The following EIF3E variants were observed in gnomAD, a reference collection of about 807,000 sequenced individuals.
The protein encoded by EIF3E is eIF-3 p48.
A neutral mutation model predicts 59.3 loss-of-function variants in EIF3E; 25 were observed. The observed-to-expected ratio is 0.42, with a 90% confidence interval of 0.31 to 0.59. EIF3E has a LOEUF of 0.59. Among genes scored for constraint, EIF3E ranks in the 20% least tolerant of loss-of-function variants. The pLI, the probability that EIF3E is intolerant of heterozygous loss-of-function variation, is 0.15. For synonymous variants in EIF3E, 176 were observed against 170.2 expected (o/e 1.03, Z -0.26); for missense variants, 317 against 534.3 (o/e 0.59, Z 4.01).
intron 1 of EIF3E, among the ~76,000 whole-genome samples, chr8:108,244,597 T>G (rs896552325): frequency 4.6e-5 from 7 of 152,072 alleles, no homozygotes; most frequent in Non-Finnish European, 8.8e-5. Flanking sequence ...TTAAAACTGA[T>G]AACCCCTTCC....
In EIF3E at chr8:108,234,948, T is replaced by C. The variant is rs746423075; in HGVS notation, c.471+50A>G. The C allele has an allele frequency of 3.0e-5, 34 of 1,118,998 alleles. No homozygotes were observed. In the African/African-American group the frequency reaches 7.2e-4, roughly 24 times the overall value. 69.3% of individuals were successfully genotyped at this position (1,118,998 alleles called of 1,614,324 possible). On this transcript the variant is annotated intron_variant, in intron 5 of 12. Coordinates refer to ENST00000220849, the MANE Select transcript of EIF3E (RefSeq NM_001568.3). ...TACATGTTTTGAAGAACCAAGGGAA[T>C]CCTACAAAAGACAAAAAAAAAAAAA...
chr8:108,205,414 T>A (rs1815081477), intron 10 of EIF3E, among the ~76,000 whole-genome samples: 2 of 152,200 alleles, frequency 1.3e-5, no homozygotes, highest in Admixed American at 1.3e-4. Context: ...CTTAGTTTTC[T>A]AACTACTTTA....
intron 10 of EIF3E, among the ~76,000 whole-genome samples, chr8:108,205,259 G>T (rs1202493641): frequency 2.0e-5 from 3 of 152,078 alleles, no homozygotes; most frequent in Non-Finnish European, 4.4e-5. Flanking sequence ...TGTAACCAAA[G>T]TGCACGCACC....
At chr8:108,242,573 A>G in intron 1 of EIF3E, 1 of 1,167,536 alleles carries the variant, frequency 8.6e-7, no homozygotes, top group Non-Finnish European at 1.1e-6. Flanking sequence ...TTTTGCAAGG[A>G]AAGAAAAATC....
chr8:108,223,229 C>G (rs554489241), intron 7 of EIF3E, among the ~76,000 whole-genome samples: 1 of 152,180 alleles, frequency 6.6e-6, no homozygotes, highest in South Asian at 2.1e-4. Context: ...TAAATCTGAG[C>G]TGGACCTTAA....
At chr8:108,246,882 C>T (rs975837962) in intron 1 of EIF3E, among the ~76,000 whole-genome samples, 1 of 152,140 alleles carries the variant, frequency 6.6e-6, no homozygotes, top group Non-Finnish European at 1.5e-5. Flanking sequence ...CAGTATAGAA[C>T]ACATACAACA....
chr8:108,246,197 C>A (rs535985954), intron 1 of EIF3E, among the ~76,000 whole-genome samples: 1 of 149,496 alleles, frequency 6.7e-6, no homozygotes, highest in Non-Finnish European at 1.5e-5. Context: ...TTAAAACTTA[C>A]GAATTGCTAA....
Position 108,202,149 on chromosome 8 carries a change from A to C in EIF3E, c.1300-226T>G, listed in dbSNP as rs561458673. On this transcript the variant is annotated intron_variant, in intron 12 of 12. Coordinates refer to ENST00000220849, the MANE Select transcript of EIF3E (RefSeq NM_001568.3). ...CTTTTGGCCAATTAAAATATATAGC[A>C]ATAACAGTATCATTAATACTGGAAC... Among the ~76,000 whole-genome samples the C allele has an allele frequency of 3.3e-5, 5 of 152,146 alleles. No individual in the cohort carries two copies. In the South Asian group the frequency reaches 1.0e-3, roughly 32 times the overall value.
intron 8 of EIF3E, among the ~76,000 whole-genome samples, chr8:108,216,831 T>C (rs1169227820): frequency 2.0e-5 from 3 of 152,212 alleles, no homozygotes; most frequent in Non-Finnish European, 4.4e-5. Flanking sequence ...CATTCCCTAC[T>C]GAATGACAAT....
In EIF3E at chr8:108,201,719, C is replaced by T. The variant is rs1036202305; in HGVS notation, c.*166G>A. On this transcript the variant is annotated 3_prime_UTR_variant, in exon 13 of 13. Transcript: ENST00000220849. ...AAAGTTAAAAAAACACAAACTTGCACATGCAAGAAAACTGACAGCAAGATA... is the reference window on the plus strand; with the variant it reads ...AAAGTTAAAAAAACACAAACTTGCATATGCAAGAAAACTGACAGCAAGATA... 2.5e-5 allele frequency: 15 copies of T among 596,548 alleles called. No individual in the cohort carries two copies. Among genetic ancestry groups the T allele is most frequent in the African/African-American group, 3.9e-5 (2 of 51,296 alleles). 37.0% of individuals were successfully genotyped at this position (596,548 alleles called of 1,614,324 possible). A position where few individuals can be genotyped will look rare whatever the true frequency, so the allele number is the denominator to read the frequency against.
chr8:108,217,085 T>C (rs908077116), intron 8 of EIF3E, among the ~76,000 whole-genome samples: 1 of 152,120 alleles, frequency 6.6e-6, no homozygotes, highest in African/African-American at 2.4e-5. Flanking sequence ...CACATACACA[T>C]AATGTATATA....
intron 10 of EIF3E, among the ~76,000 whole-genome samples, chr8:108,206,577 A>G (rs1815104058): frequency 7.0e-6 from 1 of 143,490 alleles, no homozygotes; most frequent in African/African-American, 2.6e-5. Context: ...ACACAGCAAG[A>G]TTCTGTGCAC....
intron 10 of EIF3E, among the ~76,000 whole-genome samples, chr8:108,210,437 C>G (rs1815184480): frequency 2.6e-5 from 4 of 152,212 alleles, no homozygotes; most frequent in African/African-American, 9.6e-5. Flanking sequence ...TTTAAAACCT[C>G]TGGCTTAAAG....
intron 7 of EIF3E, chr8:108,227,641 G>C (rs1188553693): frequency 2.0e-5 from 3 of 152,200 alleles, no homozygotes; most frequent in South Asian, 2.1e-4. Context: ...AGGAAGCAGA[G>C]AGGAGTAAAA....
At chr8:108,229,237 GAAA>G (rs1563633826) in intron 5 of EIF3E, 42 bp from the exon 6 acceptor site, 2 of 1,592,006 alleles carry the variant, frequency 1.3e-6, no homozygotes. Context: ...GAATACTCTT[GAAA>G]AATGAACATA....
chr8:108,242,047 T>A, intron 1 of EIF3E, 134 bp from the exon 2 acceptor site: 2 of 1,252,794 alleles, frequency 1.6e-6, no homozygotes, highest in Non-Finnish European at 2.2e-6. Context: ...AACATTCCCC[T>A]CTTGTAATAA....
At chr8:108,216,790 A>G (rs963279439) in intron 8 of EIF3E, among the ~76,000 whole-genome samples, 3 of 152,184 alleles carry the variant, frequency 2.0e-5, no homozygotes, top group Non-Finnish European at 2.9e-5. Context: ...GTCAATAAAC[A>G]GTAATAAACT....
intron 10 of EIF3E, among the ~76,000 whole-genome samples, chr8:108,204,114 T>C (rs192303694): frequency 1.8e-4 from 27 of 152,182 alleles, no homozygotes; most frequent in Admixed American, 3.9e-4. Flanking sequence ...TGGGAATCTA[T>C]GAATTTTGGC....
At chr8:108,242,044 C>T (rs764360669) in intron 1 of EIF3E, 131 bp from the exon 2 acceptor site, 1 of 1,225,498 alleles carries the variant, frequency 8.2e-7, no homozygotes, top group African/African-American at 1.5e-5. Flanking sequence ...ATTAACATTC[C>T]CCTCTTGTAA....
Sources: allele counts gnomAD v4.1 joint callset (sites outside exome capture counted in the v4.1 genomes callset), GRCh38; gene constraint gnomAD v4.1.1; transcripts MANE v1.5; gene names NCBI Gene and HGNC (gene_info 2026-07-23, HGNC 2026-07-21).